Variants in DDRGK1 observed in about 807,000 individuals in gnomAD.
The protein encoded by DDRGK1 is DDRGK domain-containing protein 1.
A neutral mutation model predicts 45.8 loss-of-function variants in DDRGK1; 38 were observed. The ratio of observed to expected loss-of-function variants is 0.83; its 90% CI spans 0.64 to 1.09. DDRGK1 has a LOEUF of 1.09. DDRGK1 is among the 50% of genes least tolerant of loss of function. The pLI is 0.00. For missense variants in DDRGK1, 403 were observed against 419.9 expected (o/e 0.96, Z 0.35); for synonymous variants, 171 against 168.7 (o/e 1.01, Z -0.11).
chr20:3,200,734 T>C (rs1366339706), intron 2 of DDRGK1, among the ~76,000 whole-genome samples: 3 of 152,030 alleles, frequency 2.0e-5, no homozygotes, highest in Non-Finnish European at 2.9e-5. Flanking sequence ...TCCCAGCACT[T>C]TGGGAGGCCG....
At chr20:3,194,604 T>C (rs1327973731) in intron 6 of DDRGK1, among the ~76,000 whole-genome samples, 1 of 152,188 alleles carries the variant, frequency 6.6e-6, no homozygotes, top group Non-Finnish European at 1.5e-5. Flanking sequence ...TGTGAGGAAG[T>C]GATCAAAGGC....
chr20:3,191,719 G>A (rs1280385728), intron 7 of DDRGK1, 46 bp downstream of exon 7: 2 of 1,569,104 alleles, frequency 1.3e-6, no homozygotes, highest in South Asian at 1.2e-5. Flanking sequence ...GCTAGCCACA[G>A]ACCCCTGGCC....
intron 4 of DDRGK1, among the ~76,000 whole-genome samples, chr20:3,197,449 C>A (rs973830556): frequency 1.3e-5 from 2 of 152,038 alleles, no homozygotes; most frequent in African/African-American, 2.4e-5. Flanking sequence ...CGCAGCCAGG[C>A]GACCAAGGTT....
In DDRGK1 at chr20:3,200,015, C is replaced by G; in HGVS notation, c.496G>C (p.Glu166Gln). ...WKKEEERLRL[E>Q]EEQKEEEERK... is the part of the protein sequence containing the mutation. ...GCTGGCCTCACCTTCTGCTCCTCCT[C>G]CAGGCGAAGCCGCTCCTCCTCCTTC... The change falls in exon 4 of 9, where the codon GAG (glutamate) becomes CAG (glutamine). Residue 166 changes from glutamate to glutamine, a missense_variant. Coordinates refer to ENST00000354488, the MANE Select transcript of DDRGK1 (RefSeq NM_023935.3). 1 of 1,612,268 alleles carries G rather than the reference C, an allele frequency of 6.2e-7. No individual in the cohort carries two copies. Among genetic ancestry groups the G allele is most frequent in the Non-Finnish European group, 8.5e-7 (1 of 1,179,376 alleles).
chr20:3,190,879 G>A, intron 8 of DDRGK1, 60 bp from the exon 9 acceptor site: 1 of 1,543,466 alleles, frequency 6.5e-7, no homozygotes, highest in Non-Finnish European at 8.8e-7. Flanking sequence ...TCTGGCCTGA[G>A]AATGCCCACC....
chr20:3,199,939 A>AT, intron 4 of DDRGK1, 62 bp downstream of exon 4: 1 of 1,472,034 alleles, frequency 6.8e-7, no homozygotes, highest in Non-Finnish European at 9.1e-7. Flanking sequence ...AGGGAGCTGC[A>AT]TAAGAAGCAA....
At chr20:3,199,556 G>A (rs1208806226) in intron 4 of DDRGK1, among the ~76,000 whole-genome samples, 1 of 152,142 alleles carries the variant, frequency 6.6e-6, no homozygotes, top group Non-Finnish European at 1.5e-5. Context: ...GAAAGCATCT[G>A]GCAAACAAAT....
Position 3,204,485 on chromosome 20 carries a change from A to T in DDRGK1, c.91+52T>A, listed in dbSNP as rs374433462. 9.9e-4 allele frequency: 1,501 copies of T among 1,521,256 alleles called. 10 individuals are homozygous for T. Among genetic ancestry groups the T allele is most frequent in the Non-Finnish European group, 4.7e-4 (535 of 1,134,458 alleles). The allele number at this position is 1,521,256 out of a possible 1,614,324, so 94.2% of individuals were successfully genotyped here. A position where few individuals can be genotyped will look rare whatever the true frequency, so the allele number is the denominator to read the frequency against. On this transcript the variant is annotated intron_variant, in intron 1 of 8. Transcript: ENST00000354488. ...GCGGCGCGACGGTCCACAAAGGCTC[A>T]GAAGGCCAGAAAACCCGGTACCACC...
At chr20:3,203,441 T>C in intron 1 of DDRGK1, 25 bp from the exon 2 acceptor site, 2 of 1,524,766 alleles carry the variant, frequency 1.3e-6, no homozygotes, top group East Asian at 2.3e-5. Context: ...GAAATGACAA[T>C]GCTGCCTATA....
chr20:3,204,426 GT>G, intron 1 of DDRGK1, 110 bp downstream of exon 1: 1 of 1,148,194 alleles, frequency 8.7e-7, no homozygotes. Flanking sequence ...ACGCGCATGC[GT>G]CCCGCCCGCC....
At chr20:3,200,541 C>T (rs191622883) in intron 2 of DDRGK1, 87 bp from the exon 3 acceptor site, 24 of 1,195,520 alleles carry the variant, frequency 2.0e-5, no homozygotes, top group Middle Eastern at 1.9e-4. Context: ...CCTCCCCTAA[C>T]AGGGGGATCC....
chr20:3,190,586 G>T lies in DDRGK1; in HGVS notation c.*67C>A. ...ACACCATCACTTCCCCAGGATGGTG[G>T]GGAGGGATGAAGATGTATAGCCAGG... On this transcript the variant is annotated 3_prime_UTR_variant, in exon 9 of 9. Coordinates refer to ENST00000354488, the MANE Select transcript of DDRGK1 (RefSeq NM_023935.3). The T allele has an allele frequency of 1.3e-6, 2 of 1,566,610 alleles. No individual in the cohort carries two copies. The highest frequency in any genetic ancestry group is 1.7e-6 in the Non-Finnish European group (2 of 1,146,354).
chr20:3,198,180 G>A (rs2067020082), intron 4 of DDRGK1, among the ~76,000 whole-genome samples: 1 of 150,910 alleles, frequency 6.6e-6, no homozygotes, highest in African/African-American at 2.4e-5. Flanking sequence ...AGCCAAGGCA[G>A]GAGGATCACA....
intron 4 of DDRGK1, among the ~76,000 whole-genome samples, chr20:3,197,949 C>T (rs1297650988): frequency 2.0e-5 from 3 of 147,700 alleles, no homozygotes; most frequent in African/African-American, 7.5e-5. Context: ...AGGTTAAGAT[C>T]ATCAAAAGCA....
At chr20:3,196,208 C>G (rs2067009087) in intron 4 of DDRGK1, among the ~76,000 whole-genome samples, 1 of 152,184 alleles carries the variant, frequency 6.6e-6, no homozygotes, top group African/African-American at 2.4e-5. Context: ...CTCCTAGGTC[C>G]CTGGCTCTGT....
chr20:3,200,688 G>A (rs1203568554), intron 2 of DDRGK1, among the ~76,000 whole-genome samples: 2 of 152,186 alleles, frequency 1.3e-5, no homozygotes, highest in Admixed American at 1.3e-4. Flanking sequence ...GAAAAGATGA[G>A]AACTTTAGGC....
At chr20:3,191,139 C>T (rs536785558) in intron 8 of DDRGK1, 51 bp downstream of exon 8, 2 of 1,610,306 alleles carry the variant, frequency 1.2e-6, no homozygotes, top group South Asian at 2.2e-5. Flanking sequence ...GCCCCTGTGG[C>T]TAGACACTCT....
intron 5 of DDRGK1, 82 bp from the exon 6 acceptor site, chr20:3,194,950 T>A (rs1012150797): frequency 3.9e-6 from 6 of 1,557,694 alleles, no homozygotes; most frequent in Non-Finnish European, 4.4e-6. Context: ...TACCACCTGC[T>A]CACTTGAGGG....
At chr20:3,191,408 C>T (rs1428432449) in intron 7 of DDRGK1, 170 bp from the exon 8 acceptor site, 1 of 730,472 alleles carries the variant, frequency 1.4e-6, no homozygotes, top group Non-Finnish European at 2.3e-6. Flanking sequence ...GGGCTCTGGT[C>T]CTGGGCCCTG....
Sources: allele counts gnomAD v4.1 joint callset (sites outside exome capture counted in the v4.1 genomes callset), GRCh38; gene constraint gnomAD v4.1.1; transcripts MANE v1.5; gene names NCBI Gene and HGNC (gene_info 2026-07-23, HGNC 2026-07-21).